Variants in NCOR2 observed in about 807,000 individuals in gnomAD.
NCOR2 encodes the protein nuclear receptor corepressor 2.
NCOR2 carries 81 observed loss-of-function variants against 262.9 expected under a neutral mutation model. That is an observed-to-expected ratio of 0.31 (90% CI 0.26 to 0.37). The LOEUF (loss-of-function observed/expected upper bound fraction) is 0.37, where lower values mean the gene tolerates loss of function less well. NCOR2 is among the 10% of genes least tolerant of loss of function. The pLI, the probability that NCOR2 is intolerant of heterozygous loss-of-function variation, is 1.00. For missense variants in NCOR2, 3,385 were observed against 3,621.4 expected, an observed-to-expected ratio of 0.93 and a Z score of 1.68; for synonymous variants, 1,659 against 1,559.3, an observed-to-expected ratio of 1.06 and a Z score of -1.51.
chr12:124,447,753 G>A (rs1352014113), intron 7 of NCOR2, among the ~76,000 whole-genome samples: 1 of 151,112 alleles, frequency 6.6e-6, no homozygotes, highest in Non-Finnish European at 1.5e-5. Context: ...CTGGAGTACA[G>A]TGGTGCAATC....
intron 16 of NCOR2, among the ~76,000 whole-genome samples, chr12:124,397,118 G>A (rs1028954520): frequency 6.6e-6 from 1 of 152,182 alleles, no homozygotes; most frequent in East Asian, 1.9e-4. Flanking sequence ...GCGGGGACAG[G>A]AGCAGGCCCC....
chr12:124,438,728 C>T, intron 7 of NCOR2, among the ~76,000 whole-genome samples: 1 of 96,580 alleles, frequency 1.0e-5, no homozygotes. Flanking sequence ...CCCAGAGAGA[C>T]AGGGAAACAG....
At chr12:124,536,065 TTGTTTG>T (rs371301217), upstream of NCOR2, among the ~76,000 whole-genome samples, 39 of 152,198 alleles carry the variant, frequency 2.6e-4, no homozygotes, top group African/African-American at 9.2e-4. Context: ...GAATTTATTT[TTGTTTG>T]TTTGGTATTT....
chr12:124,356,576 T>C (rs948732813), intron 23 of NCOR2, 66 bp downstream of exon 25: 1 of 1,313,554 alleles, frequency 7.6e-7, no homozygotes, highest in African/African-American at 1.5e-5. Context: ...TCTGAGCCAG[T>C]GCAAACAGTG....
In NCOR2 at chr12:124,510,954, TCC is replaced by T. The variant is rs893430313; in HGVS notation, c.-117-15588_-117-15587del. 7.0e-4 allele frequency among the ~76,000 whole-genome samples: 106 copies of T among 151,828 alleles called. 1 individual carries two copies. Among genetic ancestry groups the T allele is most frequent in the Non-Finnish European group, 1.9e-4 (13 of 67,930 alleles). ...CCAACCTGTGCTGCTGCATTTCCTC[TCC>T]CCCCACAGCCCCAAACACAAGATCC... On this transcript the variant is annotated intron_variant, in intron 1 of 46. Transcript: ENST00000404621.
intron 22 of NCOR2, among the ~76,000 whole-genome samples, chr12:124,359,722 A>G (rs1353557821): frequency 1.3e-5 from 2 of 152,232 alleles, no homozygotes; most frequent in African/African-American, 4.8e-5. Flanking sequence ...AACTGGGGCT[A>G]GGCCAGGCTG....
chr12:124,550,075 G>A (rs996377191), intron 1 of NCOR2, among the ~76,000 whole-genome samples: 22 of 152,170 alleles, frequency 1.4e-4, no homozygotes, highest in South Asian at 4.1e-4. Context: ...CATTTCTGGC[G>A]GCAGCAAAGG....
chr12:124,464,341 G>A (rs889504892), intron 5 of NCOR2, among the ~76,000 whole-genome samples: 4 of 152,160 alleles, frequency 2.6e-5, no homozygotes, highest in Non-Finnish European at 4.4e-5. Flanking sequence ...AGAGAACCGT[G>A]TCTGCTCTCC....
At chr12:124,335,038 G>C in intron 40 of NCOR2, 97 bp downstream of exon 42, 1 of 1,581,018 alleles carries the variant, frequency 6.3e-7, no homozygotes, top group Non-Finnish European at 8.7e-7. Context: ...CAGCCACCCC[G>C]CCAGGACAGA....
In NCOR2 at chr12:124,326,249, G is replaced by A. The variant is rs746827524; in HGVS notation, c.7305C>T (p.Asp2435=). Reference sequence around the variant, plus strand: ...TGGTGAGCGGCGTCCGGCGGTTGCAGTCTCCCTCCGAGTGCACTGAGGAGA... The same window carrying A: ...TGGTGAGCGGCGTCCGGCGGTTGCAATCTCCCTCCGAGTGCACTGAGGAGA... The change falls in exon 46 of 47, where the codon GAC becomes GAT. Residue 2435 remains aspartate, a synonymous_variant. Coordinates refer to ENST00000405201, the Ensembl canonical transcript of NCOR2. The A allele has an allele frequency of 1.0e-5, 16 of 1,552,980 alleles. No homozygotes were observed. In the Admixed American group the frequency reaches 2.5e-4, roughly 25 times the overall value.
rs952069566 is a variant in NCOR2 at position 124,344,490 on chromosome 12, G to A, written c.4714+107C>T. Reference sequence around the variant, plus strand: ...AGGTGGTTTGGATGTGGTGGAAAGCGGGTGGCGAGGATATCCCAGGTGCAA... The same window carrying A: ...AGGTGGTTTGGATGTGGTGGAAAGCAGGTGGCGAGGATATCCCAGGTGCAA... On this transcript the variant is annotated intron_variant, in intron 32 of 46. Coordinates refer to ENST00000405201, the Ensembl canonical transcript of NCOR2. The A allele has an allele frequency of 3.5e-5, 37 of 1,051,512 alleles. 1 individual carries two copies. Among genetic ancestry groups the A allele is most frequent in the Middle Eastern group, 3.2e-4 (1 of 3,092 alleles). 65.1% of individuals were successfully genotyped at this position (1,051,512 alleles called of 1,614,324 possible).
intron 16 of NCOR2, among the ~76,000 whole-genome samples, chr12:124,392,768 T>C (rs2041400789): frequency 6.6e-6 from 1 of 152,204 alleles, no homozygotes. Context: ...CCCCTTCCCA[T>C]GCCTTAGACG....
chr12:124,539,823 CT>C, upstream of NCOR2: 1 of 152,766 alleles, frequency 6.5e-6, no homozygotes, highest in Non-Finnish European at 1.5e-5. This position sits in a 1 kb window ranked among gnomAD's most constrained non-coding sequence, Gnocchi z 5.1. Context: ...CAAGCACCAT[CT>C]TTTCCTCCTC....
upstream of NCOR2, among the ~76,000 whole-genome samples, chr12:124,536,887 G>A (rs769004523): frequency 6.6e-6 from 1 of 152,284 alleles, no homozygotes; most frequent in South Asian, 2.1e-4. Context: ...CAGAACAACT[G>A]AAAACAACCC....
At chr12:124,436,296 A>G (rs1011738859) in intron 8 of NCOR2, among the ~76,000 whole-genome samples, 1 of 152,224 alleles carries the variant, frequency 6.6e-6, no homozygotes, top group African/African-American at 2.4e-5. Flanking sequence ...CTGGAGGCCC[A>G]GAAAGGATAC....
chr12:124,567,062 C>T (rs1174142842), intron 1 of NCOR2, among the ~76,000 whole-genome samples: 2 of 152,092 alleles, frequency 1.3e-5, no homozygotes, highest in Non-Finnish European at 2.9e-5. Context: ...ACGCCACTTC[C>T]CTCCTTCCCG....
chr12:124,565,425 T>C (rs941050673), intron 1 of NCOR2, among the ~76,000 whole-genome samples: 2 of 152,024 alleles, frequency 1.3e-5, no homozygotes, highest in African/African-American at 4.8e-5. Flanking sequence ...CCCCCCTTCA[T>C]TGCTCTGCTG....
At chr12:124,419,881 G>A in intron 13 of NCOR2, 76 bp downstream of exon 15, 1 of 1,323,812 alleles carries the variant, frequency 7.6e-7, no homozygotes, top group Non-Finnish European at 1.1e-6. Context: ...GCCATGCGGG[G>A]TGCTGGCCAC....
Position 124,432,335 on chromosome 12 carries a change from G to A in NCOR2, c.883-1548C>T, listed in dbSNP as rs1170436097. Reference sequence around the variant, plus strand: ...ACCCACAGACTTCCCCTGAGGACACGGTCACCTCCCTTCCTGGTGAACCGG... The same window carrying A: ...ACCCACAGACTTCCCCTGAGGACACAGTCACCTCCCTTCCTGGTGAACCGG... On this transcript the variant is annotated intron_variant, in intron 8 of 46. Coordinates refer to ENST00000405201, the Ensembl canonical transcript of NCOR2. The surrounding 1 kb of genome is among the most constrained non-coding windows in gnomAD (Gnocchi z 5.1). 6.6e-6 allele frequency among the ~76,000 whole-genome samples: 1 copy of A among 152,178 alleles called. No individual in the cohort carries two copies. The highest frequency in any genetic ancestry group is 1.5e-5 in the Non-Finnish European group (1 of 68,034).
Sources: allele counts gnomAD v4.1 joint callset (sites outside exome capture counted in the v4.1 genomes callset), GRCh38; gene constraint gnomAD v4.1.1; non-coding constraint Gnocchi (gnomAD v3.1); transcripts MANE v1.5; gene names NCBI Gene and HGNC (gene_info 2026-07-23, HGNC 2026-07-21).